The following ENTREP2 variants were observed in gnomAD, a reference collection of about 807,000 sequenced individuals.
The protein encoded by ENTREP2 is protein ENTREP2.
At chr15:29,615,074 A>G in the ENTREP2 span, among the ~76,000 whole-genome samples, 1 of 151,824 alleles carries the variant, frequency 6.6e-6, no homozygotes, top group Non-Finnish European at 1.5e-5. Flanking sequence ...TCCCATTTTC[A>G]GTTTCCTTTG....
At chr15:29,674,951 C>G in the ENTREP2 span, 2 of 153,162 alleles carry the variant, frequency 1.3e-5, no homozygotes, top group African/African-American at 4.8e-5. Flanking sequence ...CGCCCCTCCG[C>G]CAGCCCCGCT....
chr15:29,260,368 T>C, the ENTREP2 span, among the ~76,000 whole-genome samples: 1 of 152,148 alleles, frequency 6.6e-6, no homozygotes, highest in Non-Finnish European at 1.5e-5. Context: ...GTACCTACTC[T>C]GACCAAAATA....
At chr15:29,169,099 G>T in the ENTREP2 span, among the ~76,000 whole-genome samples, 2 of 152,128 alleles carry the variant, frequency 1.3e-5, no homozygotes, top group Non-Finnish European at 2.9e-5. Context: ...ACACACTTTT[G>T]TATCTTTGTG....
the ENTREP2 span, among the ~76,000 whole-genome samples, chr15:29,224,300 T>C: frequency 6.6e-6 from 1 of 152,008 alleles, no homozygotes; most frequent in African/African-American, 2.4e-5. Context: ...GTGTTACAGG[T>C]GATAAAGGCA....
chr15:29,162,116 C>T, the ENTREP2 span, among the ~76,000 whole-genome samples: 4 of 152,204 alleles, frequency 2.6e-5, no homozygotes, highest in South Asian at 4.2e-4. Flanking sequence ...TTTAGAGAGT[C>T]GAGCGAAATA....
chr15:29,635,490 C>T, the ENTREP2 span, among the ~76,000 whole-genome samples: 2 of 152,102 alleles, frequency 1.3e-5, no homozygotes, highest in South Asian at 2.1e-4. Flanking sequence ...ATGTGCACCC[C>T]GTGCATGGGA....
chr15:29,217,016 G>A, the ENTREP2 span, among the ~76,000 whole-genome samples: 1 of 152,138 alleles, frequency 6.6e-6, no homozygotes, highest in Non-Finnish European at 1.5e-5. Flanking sequence ...GGAAGGGGGG[G>A]TCTAGTTAAA....
the ENTREP2 span, among the ~76,000 whole-genome samples, chr15:29,170,721 A>G: frequency 6.6e-6 from 1 of 152,188 alleles, no homozygotes; most frequent in East Asian, 1.9e-4. Flanking sequence ...TTTGTAAAAC[A>G]GGAAGAGGGC....
the ENTREP2 span, among the ~76,000 whole-genome samples, chr15:29,636,723 CA>C: frequency 4.6e-5 from 7 of 152,148 alleles, no homozygotes; most frequent in Admixed American, 3.3e-4. Context: ...GTCTGTGAGT[CA>C]GGGGTTATTT....
At chr15:29,588,797 G>C in the ENTREP2 span, among the ~76,000 whole-genome samples, 1 of 151,680 alleles carries the variant, frequency 6.6e-6, no homozygotes, top group Non-Finnish European at 1.5e-5. Context: ...TAGAGTTCTG[G>C]GCAACATAAT....
chr15:29,339,699 A>C, the ENTREP2 span, among the ~76,000 whole-genome samples: 1 of 152,270 alleles, frequency 6.6e-6, no homozygotes, highest in Non-Finnish European at 1.5e-5. Flanking sequence ...AAAGATGTCT[A>C]ATTAGGAAGA....
the ENTREP2 span, among the ~76,000 whole-genome samples, chr15:29,438,731 T>C: frequency 6.6e-6 from 1 of 152,194 alleles, no homozygotes; most frequent in African/African-American, 2.4e-5. Context: ...TTCAGATTGC[T>C]TTTAGAAAAT....
At chr15:29,222,394 C>T in the ENTREP2 span, among the ~76,000 whole-genome samples, 1 of 152,326 alleles carries the variant, frequency 6.6e-6, no homozygotes, top group East Asian at 1.9e-4. Flanking sequence ...CTTAGGGCTG[C>T]TCTGCCTATG....
the ENTREP2 span, among the ~76,000 whole-genome samples, chr15:29,593,725 C>A: frequency 6.6e-6 from 1 of 152,184 alleles, no homozygotes; most frequent in Non-Finnish European, 1.5e-5. Flanking sequence ...TCACTCTGTG[C>A]ATGTCAATTA....
chr15:29,380,535 T>C, the ENTREP2 span, among the ~76,000 whole-genome samples: 1 of 152,136 alleles, frequency 6.6e-6, no homozygotes. Flanking sequence ...CACAGACACA[T>C]ACATATATTA....
chr15:29,323,872 C>T, the ENTREP2 span, among the ~76,000 whole-genome samples: 1 of 151,980 alleles, frequency 6.6e-6, no homozygotes, highest in Non-Finnish European at 1.5e-5. Context: ...CAAACAGTAC[C>T]TATTCTAGAT....
chr15:29,543,778 CAA>C, the ENTREP2 span, among the ~76,000 whole-genome samples: 155 of 136,208 alleles, frequency 1.1e-3, no homozygotes, highest in African/African-American at 3.3e-3. Flanking sequence ...GACTCTATCT[CAA>C]AAAAAAAAAA....
chr15:29,380,177 T>C, the ENTREP2 span, among the ~76,000 whole-genome samples: 5 of 152,188 alleles, frequency 3.3e-5, no homozygotes, highest in Non-Finnish European at 7.3e-5. Context: ...TGTTTACTTT[T>C]ACGTATGTTT....
the ENTREP2 span, among the ~76,000 whole-genome samples, chr15:29,137,782 G>A: frequency 6.6e-6 from 1 of 152,170 alleles, no homozygotes; most frequent in Non-Finnish European, 1.5e-5. Context: ...GTGGCAGTGA[G>A]CCAAGATTGT....
Sources: gnomAD v4.1 joint callset for allele counts (sites outside exome capture counted in the v4.1 genomes callset) on GRCh38, gnomAD v4.1.1 for gene constraint, MANE v1.5 for transcripts, NCBI Gene and HGNC (gene_info 2026-07-23, HGNC 2026-07-21) for gene names.